RYR2: variants seen among roughly 807,000 people sequenced by gnomAD.
RYR2 encodes the protein ryanodine receptor 2, also known as cardiac muscle ryanodine receptor-calcium release channel.
In RYR2, 227 loss-of-function variants were observed where a neutral mutation model predicts 601.1. The observed-to-expected ratio is 0.38, with a 90% confidence interval of 0.34 to 0.42. RYR2 has a LOEUF of 0.42. RYR2 is among the 10% of genes least tolerant of loss of function. The pLI is 1.00. For synonymous variants in RYR2, 2,223 were observed against 2,175.1 expected, an observed-to-expected ratio of 1.02 and a Z score of -0.61; for missense variants, 4,646 against 6,156.5, an observed-to-expected ratio of 0.75 and a Z score of 8.21.
chr1:237,095,891 C>A (rs1667456386), intron 1 of RYR2, among the ~76,000 whole-genome samples: 1 of 152,188 alleles, frequency 6.6e-6, no homozygotes, highest in African/African-American at 2.4e-5. Flanking sequence ...TTGTGGTTGA[C>A]CTTGAAGTCT....
At position 237,792,429 on chromosome 1, in the gene RYR2, C is replaced by G. The variant is rs543529990; in HGVS notation, c.13782+106C>G. 57 of 540,706 alleles carry G rather than the reference C, an allele frequency of 1.1e-4. No individual in the cohort carries two copies. The East Asian group carries it at 2.1e-3, about 20-fold the overall frequency. 33.5% of individuals were successfully genotyped at this position (540,706 alleles called of 1,614,324 possible). A position where few individuals can be genotyped will look rare whatever the true frequency, so the allele number is the denominator to read the frequency against. ...TGTGTGTGTGTGTGTGTGTGTTTTG[C>G]AGGCTGGACTTCTGGGGAAGCAGAT... On this transcript the variant is annotated intron_variant, in intron 94 of 104. Transcript: ENST00000366574.
intron 29 of RYR2, among the ~76,000 whole-genome samples, chr1:237,582,384 G>T (rs1674017421): frequency 6.6e-6 from 1 of 150,494 alleles, no homozygotes; most frequent in Non-Finnish European, 1.5e-5. Flanking sequence ...TGTTGGGATT[G>T]CAGGAGTGAG....
At chr1:237,589,707 G>T in intron 29 of RYR2, 86 bp from the exon 30 acceptor site, 1 of 1,316,544 alleles carries the variant, frequency 7.6e-7, no homozygotes. Flanking sequence ...CACAAAGTTC[G>T]GTCCTGGAAC....
chr1:237,301,117 A>C (rs1216283685), intron 2 of RYR2, among the ~76,000 whole-genome samples: 1 of 152,118 alleles, frequency 6.6e-6, no homozygotes, highest in Non-Finnish European at 1.5e-5. Context: ...GTGCCAGGTA[A>C]TCTTTAAATA....
chr1:237,809,583 G>C (rs933426972), intron 100 of RYR2, among the ~76,000 whole-genome samples: 14 of 152,074 alleles, frequency 9.2e-5, no homozygotes, highest in African/African-American at 3.4e-4. Flanking sequence ...CAGCTGAGAG[G>C]TAATCATACA....
intron 81 of RYR2, among the ~76,000 whole-genome samples, 172 bp downstream of exon 81, chr1:237,756,559 A>G (rs373216557): frequency 2.0e-5 from 3 of 152,022 alleles, no homozygotes; most frequent in Admixed American, 6.6e-5. Context: ...ACGGAGACCA[A>G]TGTTAATTTT....
intron 1 of RYR2, among the ~76,000 whole-genome samples, chr1:237,203,245 T>C (rs560631267): frequency 3.6e-4 from 55 of 152,274 alleles, no homozygotes; most frequent in Non-Finnish European, 7.1e-4. Context: ...GTTTTGTGTA[T>C]TAAATGGGTG....
intron 10 of RYR2, among the ~76,000 whole-genome samples, chr1:237,390,670 C>A (rs765858449): frequency 6.6e-6 from 1 of 152,226 alleles, no homozygotes; most frequent in Admixed American, 6.5e-5. Flanking sequence ...AGGATCCTTT[C>A]GATGGCTAGT....
chr1:237,149,593 C>A (rs1208773383), intron 1 of RYR2, among the ~76,000 whole-genome samples: 1 of 151,526 alleles, frequency 6.6e-6, no homozygotes, highest in Non-Finnish European at 1.5e-5. Context: ...TGTCAAATTC[C>A]ATTAAGAGTG....
At chr1:237,190,155 C>T (rs574891176) in intron 1 of RYR2, among the ~76,000 whole-genome samples, 57 of 152,198 alleles carry the variant, frequency 3.7e-4, no homozygotes, top group African/African-American at 1.4e-3. Context: ...TCCCAAAGTG[C>T]TGGGATAACA....
At chr1:237,369,746 C>T (rs1217298483) in intron 6 of RYR2, 138 bp downstream of exon 6, 2 of 680,632 alleles carry the variant, frequency 2.9e-6, no homozygotes, top group African/African-American at 1.8e-5. Context: ...ATCTTTGTAC[C>T]CTTGTTAGTT....
In RYR2 at chr1:237,404,867, T is replaced by C. The variant is rs77153343; in HGVS notation, c.774-12182T>C. Among the ~76,000 whole-genome samples, 3 of 152,320 alleles carry C rather than the reference T, an allele frequency of 2.0e-5. No individual in the cohort carries two copies. The East Asian group carries it at 5.8e-4, about 29-fold the overall frequency. Reference sequence around the variant, plus strand: ...CTGTTTAGGAGACTGTATTGCAAAGTTGCTGAGAGCCCTCTCCAGCTGTCA... The same window carrying C: ...CTGTTTAGGAGACTGTATTGCAAAGCTGCTGAGAGCCCTCTCCAGCTGTCA... On this transcript the variant is annotated intron_variant, in intron 10 of 104. Coordinates refer to ENST00000366574, the MANE Select transcript of RYR2 (RefSeq NM_001035.3).
chr1:237,629,937 A>G (rs761945737), intron 41 of RYR2, among the ~76,000 whole-genome samples: 5 of 152,166 alleles, frequency 3.3e-5, no homozygotes, highest in African/African-American at 4.8e-5. Context: ...AAAAAAGCCA[A>G]TTGAGAAAAG....
intron 1 of RYR2, among the ~76,000 whole-genome samples, chr1:237,157,317 A>G (rs919353105): frequency 2.1e-5 from 3 of 144,464 alleles, no homozygotes; most frequent in Admixed American, 7.4e-5. Context: ...AAAAAAAAAA[A>G]AAAAGAAAGA....
At chr1:237,757,914 G>A (rs1352958889) in intron 82 of RYR2, 138 bp downstream of exon 82, 3 of 519,762 alleles carry the variant, frequency 5.8e-6, no homozygotes, top group Non-Finnish European at 1.0e-5. Flanking sequence ...TGAAGAGAGA[G>A]CAAAAGAGGG....
intron 94 of RYR2, among the ~76,000 whole-genome samples, chr1:237,793,449 A>G (rs769396911): frequency 4.6e-5 from 7 of 152,216 alleles, no homozygotes; most frequent in Non-Finnish European, 1.0e-4. Flanking sequence ...TGAAATTATT[A>G]AAGAGGTTTC....
At chr1:237,496,820 T>G in intron 20 of RYR2, 68 bp downstream of exon 20, 1 of 1,539,306 alleles carries the variant, frequency 6.5e-7, no homozygotes, top group Non-Finnish European at 8.8e-7. Flanking sequence ...TGAAAGCTAT[T>G]GGTGCTGCTT....
intron 54 of RYR2, among the ~76,000 whole-genome samples, chr1:237,659,193 TTCGG>T (rs1395035975): frequency 1.3e-5 from 2 of 152,208 alleles, no homozygotes; most frequent in African/African-American, 2.4e-5. Context: ...CAGCCAGTCT[TTCGG>T]TCCCTCTAAG....
chr1:237,442,842 A>G (rs1708027630), intron 13 of RYR2, among the ~76,000 whole-genome samples: 1 of 152,190 alleles, frequency 6.6e-6, no homozygotes, highest in Non-Finnish European at 1.5e-5. Context: ...TGCTAGACAC[A>G]TGTGGCAATT....
Sources: gnomAD v4.1 joint callset for allele counts (sites outside exome capture counted in the v4.1 genomes callset) on GRCh38, gnomAD v4.1.1 for gene constraint, MANE v1.5 for transcripts, NCBI Gene and HGNC (gene_info 2026-07-23, HGNC 2026-07-21) for gene names.